SASH1: variants seen among roughly 807,000 people sequenced by gnomAD.
The protein encoded by SASH1 is SAM and SH3 domain-containing protein 1.
A neutral mutation model predicts 125.2 loss-of-function variants in SASH1; 44 were observed. The ratio of observed to expected loss-of-function variants is 0.35; its 90% CI spans 0.28 to 0.45. The LOEUF (loss-of-function observed/expected upper bound fraction) is 0.45. SASH1 is among the 20% of genes least tolerant of loss of function. SASH1 has a pLI of 1.00. For synonymous variants in SASH1, 639 were observed against 649.1 expected, an observed-to-expected ratio of 0.98 and a Z score of 0.24; for missense variants, 1,426 against 1,614.5, an observed-to-expected ratio of 0.88 and a Z score of 2.00.
At chr6:148,209,149 G>A in the SASH1 span, among the ~76,000 whole-genome samples, 10 of 152,208 alleles carry the variant, frequency 6.6e-5, no homozygotes, top group Non-Finnish European at 1.3e-4. Context: ...AACTTAATGT[G>A]CCTTTATAAA....
intron 7 of SASH1, among the ~76,000 whole-genome samples, chr6:148,483,544 T>C (rs964716270): frequency 1.3e-5 from 2 of 152,166 alleles, no homozygotes; most frequent in Admixed American, 6.5e-5. Flanking sequence ...GACAGAGATG[T>C]GATTTCAGGA....
intron 1 of SASH1, among the ~76,000 whole-genome samples, chr6:148,387,732 C>T (rs1361743428): frequency 2.8e-5 from 4 of 143,518 alleles, no homozygotes; most frequent in Admixed American, 7.1e-5. Context: ...TCCATTCTTT[C>T]TTTTCTTTTC....
At chr6:148,282,529 C>T (rs1562304698) in intron 1 of SASH1, among the ~76,000 whole-genome samples, 1 of 151,962 alleles carries the variant, frequency 6.6e-6, no homozygotes, top group Non-Finnish European at 1.5e-5. Flanking sequence ...TTACAGGCGC[C>T]TGCCACCACG....
chr6:148,524,974 AC>A (rs1485308273), intron 10 of SASH1: 3 of 292,294 alleles, frequency 1.0e-5, no homozygotes, highest in African/African-American at 6.7e-5. Flanking sequence ...AGGGAATCTC[AC>A]AGCACTGGAC....
intron 2 of SASH1, among the ~76,000 whole-genome samples, chr6:148,437,426 T>C (rs1249479145): frequency 6.6e-6 from 1 of 152,202 alleles, no homozygotes; most frequent in African/African-American, 2.4e-5. Context: ...ACTAGAAATA[T>C]CACTATACAA....
At chr6:148,222,922 C>T in the SASH1 span, among the ~76,000 whole-genome samples, 1 of 152,078 alleles carries the variant, frequency 6.6e-6, no homozygotes, top group African/African-American at 2.4e-5. Context: ...TTAGTTACAC[C>T]TACCGGACCT....
At chr6:148,197,326 A>C in the SASH1 span, among the ~76,000 whole-genome samples, 1 of 152,356 alleles carries the variant, frequency 6.6e-6, no homozygotes, top group Admixed American at 6.5e-5. Flanking sequence ...TAGGATACAA[A>C]CTACATCAAG....
the SASH1 span, among the ~76,000 whole-genome samples, chr6:148,220,232 C>A: frequency 6.6e-6 from 1 of 152,326 alleles, no homozygotes; most frequent in Admixed American, 6.5e-5. Context: ...GGCCCCGTCT[C>A]TGCTTCCTCA....
At chr6:148,436,528 T>TAAAAA (rs1583157274) in intron 2 of SASH1, among the ~76,000 whole-genome samples, 4 of 151,852 alleles carry the variant, frequency 2.6e-5, no homozygotes, top group East Asian at 1.9e-4. Flanking sequence ...AAAATAAAAA[T>TAAAAA]TAAAAAAAAC....
chr6:148,294,366 G>C (rs1340137604), intron 1 of SASH1, among the ~76,000 whole-genome samples: 3 of 152,158 alleles, frequency 2.0e-5, no homozygotes, highest in African/African-American at 7.2e-5. Flanking sequence ...TACAAATCCT[G>C]GACCCTTTCC....
At chr6:148,336,322 C>T (rs773608947) in intron 1 of SASH1, among the ~76,000 whole-genome samples, 57 of 151,290 alleles carry the variant, frequency 3.8e-4, no homozygotes, top group Non-Finnish European at 7.4e-4. Flanking sequence ...ATTACAGGTG[C>T]CTGCCTCCAC....
intron 4 of SASH1, among the ~76,000 whole-genome samples, chr6:148,454,689 G>A (rs1028133156): frequency 6.6e-6 from 1 of 152,150 alleles, no homozygotes; most frequent in African/African-American, 2.4e-5. Context: ...ATTTTAGACG[G>A]GCCACTGTCA....
rs990400249 is a variant in SASH1, at chr6:148,533,265, C to T, written c.1734+299C>T. Among the ~76,000 whole-genome samples the T allele has an allele frequency of 7.2e-5, 11 of 152,208 alleles. No homozygotes were observed. Among genetic ancestry groups the T allele is most frequent in the African/African-American group, 2.2e-4 (9 of 41,452 alleles). ...CTCTCCCCACCTGGCTCCTGCTCCA[C>T]ACACCTGGTTTCTGTGTTTTCTCCA... On this transcript the variant is annotated intron_variant, in intron 14 of 19. Coordinates refer to ENST00000367467, the MANE Select transcript of SASH1 (RefSeq NM_015278.5). This position sits in a 1 kb window ranked among gnomAD's most constrained non-coding sequence, Gnocchi z 6.2.
chr6:148,327,446 G>A (rs1037092948), intron 1 of SASH1, among the ~76,000 whole-genome samples: 6 of 151,284 alleles, frequency 4.0e-5, no homozygotes, highest in South Asian at 2.1e-4. Context: ...CACCACGCCC[G>A]GCTAATTTTT....
chr6:148,440,423 T>A lies in SASH1; in HGVS notation c.386+16T>A, dbSNP rs994834858. 1 of 1,611,326 alleles carries A rather than the reference T, an allele frequency of 6.2e-7. No homozygotes were observed. The highest frequency in any genetic ancestry group is 8.5e-7 in the Non-Finnish European group (1 of 1,178,074). On this transcript the variant is annotated intron_variant, in intron 4 of 19. Coordinates refer to ENST00000367467, the MANE Select transcript of SASH1 (RefSeq NM_015278.5). ...TGGAAAGAAAGTAAGTCTTTCTCCC[T>A]CTGCCCAGGACCACCTTCCAAGAAG...
intron 10 of SASH1, among the ~76,000 whole-genome samples, chr6:148,522,473 G>T (rs1175998141): frequency 2.0e-5 from 3 of 151,886 alleles, no homozygotes; most frequent in Non-Finnish European, 4.4e-5. Flanking sequence ...CAAGCTCTTT[G>T]TCTTTCGAAA....
intron 17 of SASH1, among the ~76,000 whole-genome samples, 172 bp downstream of exon 17, chr6:148,540,728 G>A (rs1261207860): frequency 6.6e-6 from 1 of 152,172 alleles, no homozygotes; most frequent in African/African-American, 2.4e-5. Flanking sequence ...TCTCCTGGCT[G>A]CTGGGTGAGG....
In SASH1 at chr6:148,448,763, T is replaced by C. The variant is rs1776932875; in HGVS notation, c.386+8356T>C. On this transcript the variant is annotated intron_variant, in intron 4 of 19. Coordinates refer to ENST00000367467, the MANE Select transcript of SASH1 (RefSeq NM_015278.5). ...TGGCCTGCCTATTACAGCCTCTTGC[T>C]GAAAAATGCCTGCTCACTAATATCT... Among the ~76,000 whole-genome samples, 4 of 152,208 alleles carry C rather than the reference T, an allele frequency of 2.6e-5. No homozygotes were observed. In the South Asian group the frequency reaches 8.3e-4, roughly 32 times the overall value.
intron 1 of SASH1, among the ~76,000 whole-genome samples, chr6:148,385,839 G>A (rs1475207642): frequency 6.6e-6 from 1 of 152,134 alleles, no homozygotes; most frequent in African/African-American, 2.4e-5. Context: ...CTCTTCATCT[G>A]GTATTCATTG....
Sources: gnomAD v4.1 joint callset for allele counts (sites outside exome capture counted in the v4.1 genomes callset) on GRCh38, gnomAD v4.1.1 for gene constraint, Gnocchi (gnomAD v3.1) non-coding constraint, MANE v1.5 for transcripts, NCBI Gene and HGNC (gene_info 2026-07-23, HGNC 2026-07-21) for gene names.